PIK3C2G: variants seen among roughly 807,000 people sequenced by gnomAD.
PIK3C2G encodes the protein phosphatidylinositol-4-phosphate 3-kinase catalytic subunit type 2 gamma, also known as phosphatidylinositol 3-kinase C2 domain-containing subunit gamma.
A neutral mutation model predicts 181.1 loss-of-function variants in PIK3C2G; 168 were observed. The ratio of observed to expected loss-of-function variants is 0.93; its 90% CI spans 0.82 to 1.05. The LOEUF is 1.05. Among genes scored for constraint, PIK3C2G ranks in the 50% least tolerant of loss-of-function variants. The pLI, the probability that PIK3C2G is intolerant of heterozygous loss-of-function variation, is 0.00. For synonymous variants in PIK3C2G, 573 were observed against 592.2 expected, an observed-to-expected ratio of 0.97 and a Z score of 0.47; for missense variants, 1,869 against 1,732.8, an observed-to-expected ratio of 1.08 and a Z score of -1.40.
intron 5 of PIK3C2G, among the ~76,000 whole-genome samples, chr12:18,294,255 C>A (rs1949840619): frequency 6.6e-6 from 1 of 151,912 alleles, no homozygotes; most frequent in Admixed American, 6.6e-5. Flanking sequence ...CTAGGGTGAC[C>A]AACCATCTCA....
intron 31 of PIK3C2G, among the ~76,000 whole-genome samples, chr12:18,637,298 G>C (rs1339999657): frequency 6.6e-6 from 1 of 152,014 alleles, no homozygotes; most frequent in Non-Finnish European, 1.5e-5. Context: ...TTCATTCAAG[G>C]GTTTCTGGAT....
intron 24 of PIK3C2G, among the ~76,000 whole-genome samples, chr12:18,528,060 C>G (rs1024470412): frequency 6.6e-6 from 1 of 152,104 alleles, no homozygotes; most frequent in African/African-American, 2.4e-5. Context: ...AATGTTCTTT[C>G]TATAATAGTA....
the PIK3C2G span, among the ~76,000 whole-genome samples, chr12:18,661,608 C>T: frequency 2.0e-5 from 3 of 152,086 alleles, no homozygotes; most frequent in East Asian, 3.9e-4. Flanking sequence ...GACCATCTCA[C>T]ACCAGTCAGA....
At chr12:18,487,061 T>G (rs1940110086) in intron 18 of PIK3C2G, among the ~76,000 whole-genome samples, 2 of 151,608 alleles carry the variant, frequency 1.3e-5, no homozygotes, top group African/African-American at 4.9e-5. Flanking sequence ...AGAGAATATT[T>G]TACCAGTGAT....
chr12:18,431,030 G>A (rs891291157), intron 18 of PIK3C2G, among the ~76,000 whole-genome samples: 11 of 151,736 alleles, frequency 7.2e-5, no homozygotes, highest in African/African-American at 2.7e-4. Context: ...TTTAAATAAA[G>A]CAAAAAGATG....
rs1046942163 is a variant in PIK3C2G at position 18,538,296 on chromosome 12, T to G, written c.3464T>G (p.Leu1155Trp). The G allele has an allele frequency of 6.2e-7, 1 of 1,603,334 alleles. No individual in the cohort carries two copies. The highest frequency in any genetic ancestry group is 1.4e-5 in the African/African-American group (1 of 73,928). Residue 1155 changes from leucine (L) to tryptophan (W), a missense_variant, in exon 25 of 33, where the codon TTG becomes TGG. Leu to Trp is a moderately conservative substitution (Grantham distance 61). Transcript: ENST00000538779. ...NIIRKHSQLL[L>W]NLLEMMLYAG... ...ATCAGAAAGCACAGCCAACTGCTCT[T>G]GAACCTGCTGGAAATGGTAAGTCCC... is the stretch of plus-strand genomic sequence containing the variant.
intron 29 of PIK3C2G, among the ~76,000 whole-genome samples, chr12:18,572,149 T>C (rs925811022): frequency 7.1e-5 from 10 of 141,086 alleles, no homozygotes; most frequent in African/African-American, 2.1e-4. Flanking sequence ...CTTATATTAT[T>C]TACAAATAAT....
chr12:18,307,813 T>C (rs1386945956), intron 5 of PIK3C2G, among the ~76,000 whole-genome samples: 1 of 151,886 alleles, frequency 6.6e-6, no homozygotes, highest in Non-Finnish European at 1.5e-5. Context: ...AACAAATTTA[T>C]CACGTAGGCC....
At chr12:18,343,111 C>G (rs900009608) in intron 9 of PIK3C2G, among the ~76,000 whole-genome samples, 1 of 151,970 alleles carries the variant, frequency 6.6e-6, no homozygotes, top group African/African-American at 2.4e-5. Flanking sequence ...AAATACATAA[C>G]CTACATTGCT....
intron 16 of PIK3C2G, among the ~76,000 whole-genome samples, chr12:18,418,933 G>A (rs1348622542): frequency 1.3e-5 from 2 of 152,088 alleles, no homozygotes. Flanking sequence ...CATCAGATGG[G>A]AAAGGTGAAA....
intron 18 of PIK3C2G, among the ~76,000 whole-genome samples, chr12:18,439,492 G>A (rs1402849915): frequency 6.6e-6 from 1 of 151,978 alleles, no homozygotes; most frequent in Non-Finnish European, 1.5e-5. Flanking sequence ...AAATAGAGTT[G>A]AGTGTTAGAA....
intron 14 of PIK3C2G, among the ~76,000 whole-genome samples, chr12:18,387,485 G>A (rs924279359): frequency 4.6e-5 from 7 of 152,068 alleles, no homozygotes; most frequent in African/African-American, 1.7e-4. Flanking sequence ...TTCACCTTAT[G>A]TGAATTTATG....
chr12:18,250,029 T>C (rs1287734244), intron 1 of PIK3C2G, among the ~76,000 whole-genome samples: 1 of 152,018 alleles, frequency 6.6e-6, no homozygotes, highest in Non-Finnish European at 1.5e-5. Flanking sequence ...CTCTAACTAA[T>C]TGTAAGTTTA....
At chr12:18,543,384 CT>C (rs1487796911) in intron 25 of PIK3C2G, among the ~76,000 whole-genome samples, 4 of 151,938 alleles carry the variant, frequency 2.6e-5, no homozygotes, top group Admixed American at 1.3e-4. Context: ...TGCAGAAGCT[CT>C]TAAGTTTAAT....
chr12:18,248,644 A>G (rs1045455830), intron 1 of PIK3C2G, among the ~76,000 whole-genome samples: 1 of 152,118 alleles, frequency 6.6e-6, no homozygotes. Context: ...ATACGTTTCT[A>G]TTACTAACCA....
chr12:18,701,847 G>T, the PIK3C2G span: 4 of 1,535,074 alleles, frequency 2.6e-6, no homozygotes, highest in Non-Finnish European at 3.5e-6. Context: ...TCACTGAAAA[G>T]TGTTTCACTA....
At chr12:18,414,648 T>C (rs1292575159) in intron 16 of PIK3C2G, among the ~76,000 whole-genome samples, 2 of 152,180 alleles carry the variant, frequency 1.3e-5, no homozygotes, top group African/African-American at 4.8e-5. Flanking sequence ...CACACGTCAC[T>C]CATCATATTC....
chr12:18,254,955 G>A (rs549572549), intron 1 of PIK3C2G, among the ~76,000 whole-genome samples: 71 of 151,980 alleles, frequency 4.7e-4, no homozygotes, highest in South Asian at 3.5e-3. Context: ...CAGGCCGGGC[G>A]CAGTGGCTCA....
intron 18 of PIK3C2G, among the ~76,000 whole-genome samples, chr12:18,462,766 AG>A (rs1164537439): frequency 6.6e-6 from 1 of 152,158 alleles, no homozygotes; most frequent in African/African-American, 2.4e-5. Flanking sequence ...TTTCTGACTC[AG>A]GAATTTCTGC....
Sources: allele counts gnomAD v4.1 joint callset (sites outside exome capture counted in the v4.1 genomes callset), GRCh38; gene constraint gnomAD v4.1.1; transcripts MANE v1.5; gene names NCBI Gene and HGNC (gene_info 2026-07-23, HGNC 2026-07-21).